The following ACAP2 variants were observed in gnomAD, a reference collection of about 807,000 sequenced individuals.
The protein encoded by ACAP2 is ArfGAP with coiled-coil, ankyrin repeat and PH domains 2, also known as arf-GAP with coiled-coil, ANK repeat and PH domain-containing protein 2.
In ACAP2, 39 loss-of-function variants were observed where a neutral mutation model predicts 115.8. The observed-to-expected ratio is 0.34, with a 90% CI of 0.26 to 0.44. The LOEUF (loss-of-function observed/expected upper bound fraction) is 0.44, where lower values mean the gene tolerates loss of function less well. Among genes scored for constraint, ACAP2 ranks in the 20% least tolerant of loss-of-function variants. The pLI, the probability that ACAP2 is intolerant of heterozygous loss-of-function variation, is 1.00. For missense variants in ACAP2, 662 were observed against 927.6 expected, an observed-to-expected ratio of 0.71 and a Z score of 3.72; for synonymous variants, 289 against 315.8, an observed-to-expected ratio of 0.92 and a Z score of 0.90.
chr3:195,307,418 C>G, intron 11 of ACAP2, 95 bp from the exon 12 acceptor site: 1 of 724,646 alleles, frequency 1.4e-6, no homozygotes, highest in Non-Finnish European at 2.3e-6. Flanking sequence ...CATAACTGGT[C>G]TAATTTTCAA....
intron 10 of ACAP2, among the ~76,000 whole-genome samples, chr3:195,315,078 A>G (rs1444874134): frequency 2.0e-5 from 3 of 152,214 alleles, no homozygotes; most frequent in African/African-American, 7.2e-5. Flanking sequence ...CAGACGCACA[A>G]TGCAGAGGCT....
chr3:195,320,637 T>C (rs1200746326), intron 10 of ACAP2, 64 bp downstream of exon 10: 1 of 1,201,156 alleles, frequency 8.3e-7, no homozygotes, highest in African/African-American at 1.5e-5. Context: ...AGTTGTCAAA[T>C]CACAGGGAAA....
intron 10 of ACAP2, among the ~76,000 whole-genome samples, chr3:195,318,573 C>T (rs867070330): frequency 6.6e-6 from 1 of 152,120 alleles, no homozygotes; most frequent in Non-Finnish European, 1.5e-5. Flanking sequence ...TTGCCCCTGC[C>T]CTAGAGATCT....
chr3:195,315,230 A>G (rs938062228), intron 10 of ACAP2, among the ~76,000 whole-genome samples: 1 of 152,196 alleles, frequency 6.6e-6, no homozygotes, highest in African/African-American at 2.4e-5. Flanking sequence ...CATGTTGCCC[A>G]AGCTGGTCTC....
chr3:195,301,476 T>C (rs1728052741), intron 15 of ACAP2, 99 bp downstream of exon 15: 4 of 903,146 alleles, frequency 4.4e-6, no homozygotes, highest in Admixed American at 2.4e-5. Context: ...CTAGCATACA[T>C]TGGTAGCATG....
intron 4 of ACAP2, chr3:195,350,033 A>G (rs1731446451): frequency 5.9e-6 from 1 of 170,778 alleles, no homozygotes. Context: ...AGAACTAACC[A>G]CTGATTGTCA....
At chr3:195,325,441 T>TTTCTTTTA in intron 9 of ACAP2, 1 of 414,426 alleles carries the variant, frequency 2.4e-6, no homozygotes, top group Non-Finnish European at 4.7e-6. Flanking sequence ...TTTTTTTTTT[T>TTTCTTTTA]ACCTGTAACG....
chr3:195,422,073 A>G (rs1017160434), intron 1 of ACAP2, among the ~76,000 whole-genome samples: 1 of 152,206 alleles, frequency 6.6e-6, no homozygotes, highest in Non-Finnish European at 1.5e-5. Flanking sequence ...TCGAAAAAAA[A>G]TGAGGTATCA....
At position 195,326,823 on chromosome 3, in the gene ACAP2, T is replaced by TAAACCAACACCCAAGCCATTG. The variant is rs1729827449; in HGVS notation, c.744+41_744+61dup. ...TGTTCCAATACAATGATACCTTGCA[T>TAAACCAACACCCAAGCCATTG]AAACCAACACCCAAGCCATTGTATA... is the stretch of plus-strand genomic sequence containing the variant. On this transcript the variant is annotated intron_variant, in intron 9 of 22. Coordinates refer to ENST00000326793, the MANE Select transcript of ACAP2 (RefSeq NM_012287.6). 9.0e-6 allele frequency: 13 copies of TAAACCAACACCCAAGCCATTG among 1,444,984 alleles called. No individual in the cohort carries two copies. In the Admixed American group the frequency reaches 2.0e-4, roughly 23 times the overall value. 89.5% of individuals were successfully genotyped at this position (1,444,984 alleles called of 1,614,324 possible).
intron 10 of ACAP2, among the ~76,000 whole-genome samples, chr3:195,316,893 ATTTTTTTTTTTT>A (rs60184290): frequency 4.1e-4 from 22 of 53,886 alleles, no homozygotes; most frequent in African/African-American, 1.5e-3. Context: ...ATGTCAGTGA[ATTTTTTTTTTTT>A]TTTTTTTTTT....
At chr3:195,375,842 A>C (rs1733493692) in intron 4 of ACAP2, among the ~76,000 whole-genome samples, 1 of 152,132 alleles carries the variant, frequency 6.6e-6, no homozygotes, top group East Asian at 1.9e-4. Context: ...AGAGTCATAC[A>C]TGTTCATAGA....
intron 1 of ACAP2, among the ~76,000 whole-genome samples, chr3:195,438,998 G>C (rs1715798536): frequency 6.6e-6 from 1 of 151,808 alleles, no homozygotes; most frequent in Non-Finnish European, 1.5e-5. Flanking sequence ...GAGCCGGAGG[G>C]TGCAGTGAGC....
At position 195,420,595 on chromosome 3, in the gene ACAP2, G is replaced by A. The variant is rs568466221; in HGVS notation, c.53+22200C>T. 1.8e-4 allele frequency among the ~76,000 whole-genome samples: 28 copies of A among 151,726 alleles called. 1 individual carries two copies. Among genetic ancestry groups the A allele is most frequent in the Middle Eastern group, 3.4e-3 (1 of 294 alleles). On this transcript the variant is annotated intron_variant, in intron 1 of 22. Coordinates refer to ENST00000326793, the MANE Select transcript of ACAP2 (RefSeq NM_012287.6). ...CCTGACCTCGTGATTCACCCGCCTC[G>A]GCCTCCCAAAGTGCTGGAATTACAG...
intron 2 of ACAP2, among the ~76,000 whole-genome samples, chr3:195,390,268 C>T (rs145367059): frequency 6.6e-6 from 1 of 152,210 alleles, no homozygotes; most frequent in African/African-American, 2.4e-5. Context: ...AAGTCCTCAT[C>T]ACTTCCTTGG....
In ACAP2 at chr3:195,306,600, C is replaced by A. The variant is rs946827218; in HGVS notation, c.1027G>T (p.Ala343Ser). 6.2e-7 allele frequency: 1 copy of A among 1,611,466 alleles called. No individual in the cohort carries two copies. The highest frequency in any genetic ancestry group is 1.3e-5 in the African/African-American group (1 of 74,742). ...GCCTGGCGCAGCTTTTCGGAATCTGCCTGGAGCATGCAACTTCTAAAAGGA... is the reference window on the plus strand; with the variant it reads ...GCCTGGCGCAGCTTTTCGGAATCTGACTGGAGCATGCAACTTCTAAAAGGA... Reference protein sequence around the residue: ...VSPTKSCMLQADSEKLRQAWI... With the variant: ...VSPTKSCMLQSDSEKLRQAWI... The change falls in exon 13 of 23, where the codon GCA becomes TCA. Residue 343 changes from alanine to serine, a missense_variant. Around this residue, in one of 3 missense-constraint regions of ACAP2, gnomAD observed 401 missense variants for 604.4 expected, o/e 0.66. Coordinates refer to ENST00000326793, the MANE Select transcript of ACAP2 (RefSeq NM_012287.6).
intron 9 of ACAP2, among the ~76,000 whole-genome samples, chr3:195,324,351 G>A (rs1180342857): frequency 2.0e-5 from 3 of 152,192 alleles, no homozygotes; most frequent in African/African-American, 7.2e-5. Context: ...ATACCACAGA[G>A]CATTTGGGAA....
intron 5 of ACAP2, among the ~76,000 whole-genome samples, chr3:195,343,049 C>T (rs1057194520): frequency 6.6e-6 from 1 of 151,910 alleles, no homozygotes; most frequent in Non-Finnish European, 1.5e-5. Flanking sequence ...CTATGTTCCT[C>T]CATTTTTTGT....
intron 16 of ACAP2, 143 bp from the exon 17 acceptor site, chr3:195,296,035 AT>A: frequency 1.6e-6 from 1 of 626,936 alleles, no homozygotes. Flanking sequence ...CATTATACAT[AT>A]ATATATTATG....
chr3:195,320,653 A>C, intron 10 of ACAP2, 48 bp downstream of exon 10: 2 of 1,372,470 alleles, frequency 1.5e-6, no homozygotes, highest in Non-Finnish European at 2.1e-6. Flanking sequence ...GGAAAGTCAG[A>C]AAATCAAAAC....
Sources: gnomAD v4.1 joint callset for allele counts (sites outside exome capture counted in the v4.1 genomes callset) on GRCh38, gnomAD v4.1.1 for gene constraint, gnomAD v4.1.1 regional missense constraint, MANE v1.5 for transcripts, NCBI Gene and HGNC (gene_info 2026-07-23, HGNC 2026-07-21) for gene names.